Variants in GDF5 observed in about 807,000 individuals in gnomAD.
GDF5 encodes growth/differentiation factor 5.
A neutral mutation model predicts 34.6 loss-of-function variants in GDF5; 17 were observed. That is an observed-to-expected ratio of 0.49 (90% CI 0.34 to 0.74). The LOEUF (loss-of-function observed/expected upper bound fraction) is 0.74. Among genes scored for constraint, GDF5 ranks in the 30% least tolerant of loss-of-function variants. GDF5 has a pLI of 0.01. For missense variants in GDF5, 616 were observed against 661.2 expected (o/e 0.93, Z 0.75); for synonymous variants, 332 against 290.7 (o/e 1.14, Z -1.44).
intron 1 of GDF5, among the ~76,000 whole-genome samples, chr20:35,450,799 T>A (rs889329082): frequency 2.0e-5 from 3 of 151,756 alleles, no homozygotes; most frequent in Non-Finnish European, 4.4e-5. Flanking sequence ...AGGAAGCATA[T>A]CCTGGTCACG....
chr20:35,451,049 AAAAAAAAAAAAAAAAAT>A lies in GDF5; in HGVS notation c.-398+3574_-398+3590del, dbSNP rs1390238112. 8.4e-5 allele frequency among the ~76,000 whole-genome samples: 7 copies of A among 83,602 alleles called. 1 individual carries two copies. Among genetic ancestry groups the A allele is most frequent in the Non-Finnish European group, 1.9e-4 (6 of 31,680 alleles). 54.8% of individuals were successfully genotyped at this position (83,602 alleles called of 152,430 possible). On this transcript the variant is annotated intron_variant, in intron 1 of 3. Transcript: ENST00000374372. ...ACAGATTTTAGACTAACAGAAAAAA[AAAAAAAAAAAAAAAAAT>A]ATATATATATATATATATATATATA...
chr20:35,436,087 G>A (rs139313491), intron 1 of GDF5, among the ~76,000 whole-genome samples: 47 of 152,266 alleles, frequency 3.1e-4, no homozygotes, highest in African/African-American at 1.1e-3. Flanking sequence ...TAGTATCTCC[G>A]AATCAGCATG....
chr20:35,434,309 A>T lies in GDF5; in HGVS notation c.1106T>A (p.Val369Glu), dbSNP rs1168878705. Residue 369 changes from valine (V) to glutamate (E), a missense_variant, in exon 2 of 2, where the codon GTG (valine) becomes GAG (glutamate). Physicochemically the swap from Val to Glu is moderately radical, Grantham distance 121. Coordinates refer to ENST00000374369, the MANE Select transcript of GDF5 (RefSeq NM_000557.5). ...KARSGQDDKT[V>E]YEYLFSQRRK... ...CCGCTGGCTGAACAGGTACTCATAC[A>T]CGGTCTTATCGTCCTGGCCAGAGCG... is the stretch of plus-strand genomic sequence containing the variant. 6.2e-6 allele frequency: 10 copies of T among 1,613,964 alleles called. No homozygotes were observed. Among genetic ancestry groups the T allele is most frequent in the Non-Finnish European group, 8.5e-6 (10 of 1,180,034 alleles).
In GDF5 at chr20:35,437,369, C is replaced by T. The variant is rs138025115; in HGVS notation, c.560G>A (p.Gly187Glu). ...YRTLSDADRK[G>E]GNSSVKLEAG... is the part of the protein sequence containing the mutation. ...CTCCAACTTCACGCTGCTGTTGCCTCCCTTTCTGTCAGCATCGGACAGCGT... is the reference window on the plus strand; with the variant it reads ...CTCCAACTTCACGCTGCTGTTGCCTTCCTTTCTGTCAGCATCGGACAGCGT... The change falls in exon 1 of 2, where the codon GGA becomes GAA. Residue 187 changes from glycine (G) to glutamate (E), a missense_variant. Transcript: ENST00000374369. 30 of 1,612,878 alleles carry T rather than the reference C, an allele frequency of 1.9e-5. No homozygotes were observed. Among genetic ancestry groups the T allele is most frequent in the Middle Eastern group, 1.7e-4 (1 of 6,056 alleles).
chr20:35,433,628 T>A lies in GDF5; in HGVS notation c.*281A>T. 2.0e-6 allele frequency: 1 copy of A among 491,384 alleles called. No homozygotes were observed. Among genetic ancestry groups the A allele is most frequent in the Non-Finnish European group, 3.7e-6 (1 of 267,624 alleles). The allele number at this position is 491,384 out of a possible 1,614,324, so 30.4% of individuals were successfully genotyped here. On this transcript the variant is annotated 3_prime_UTR_variant, in exon 2 of 2. Coordinates refer to ENST00000374369, the MANE Select transcript of GDF5 (RefSeq NM_000557.5). ...GGCTGAGTCTCATCGGAAAGCACTG[T>A]TTCCTGGGACTCAGTCCCATTCAGA... is the stretch of plus-strand genomic sequence containing the variant.
upstream of GDF5, among the ~76,000 whole-genome samples, chr20:35,439,564 G>C (rs1425538747): frequency 6.6e-6 from 1 of 152,160 alleles, no homozygotes; most frequent in African/African-American, 2.4e-5. Context: ...AGCTCTGGAA[G>C]GTCTGAATTC....
Position 35,434,635 on chromosome 20 carries a change from A to G in GDF5, c.780T>C (p.Ala260=). 2 of 1,607,430 alleles carry G rather than the reference A, an allele frequency of 1.2e-6. No homozygotes were observed. The highest frequency in any genetic ancestry group is 1.7e-6 in the Non-Finnish European group (2 of 1,175,314). Residue 260 remains alanine (A), a synonymous_variant, in exon 2 of 2, where the codon GCT becomes GCC. Coordinates refer to ENST00000374369, the MANE Select transcript of GDF5 (RefSeq NM_000557.5). ...GGCAGCTGGACAGCTTCAGCTGGGC[A>G]GCCCGCCCGCCTCCGGGGGCCGCTG... ...AKPAAPGGGR[A]AQLKLSSCPS...
intron 1 of GDF5, among the ~76,000 whole-genome samples, chr20:35,444,641 C>T (rs2062508363): frequency 1.3e-5 from 2 of 152,188 alleles, no homozygotes; most frequent in African/African-American, 4.8e-5. Context: ...GTTGCCCATG[C>T]TGGAGTGCAA....
chr20:35,441,518 G>C (rs1009193907), upstream of GDF5: 27 of 146,348 alleles, frequency 1.8e-4, no homozygotes, highest in African/African-American at 5.9e-4. Context: ...ACAGTGGCAT[G>C]ATCTTGGCTC....
At chr20:35,442,348 T>C (rs1039388789), upstream of GDF5, among the ~76,000 whole-genome samples, 5 of 152,010 alleles carry the variant, frequency 3.3e-5, no homozygotes, top group African/African-American at 1.2e-4. Flanking sequence ...GGTTTCACCA[T>C]GTTGGCCAGG....
At chr20:35,439,236 C>CT (rs1210665697), upstream of GDF5, among the ~76,000 whole-genome samples, 3,633 of 129,220 alleles carry the variant, frequency 0.028, 122 homozygotes, top group African/African-American at 0.06. Context: ...CCACATGACG[C>CT]TTTTTTTTTT....
intron 1 of GDF5, among the ~76,000 whole-genome samples, chr20:35,444,287 C>T (rs894842250): frequency 6.6e-6 from 1 of 152,174 alleles, no homozygotes; most frequent in Non-Finnish European, 1.5e-5. Context: ...AAAAATTAAG[C>T]AGGGTCAAAG....
At chr20:35,440,082 A>AT (rs2062493048), upstream of GDF5, among the ~76,000 whole-genome samples, 1 of 150,978 alleles carries the variant, frequency 6.6e-6, no homozygotes, top group Admixed American at 6.6e-5. Context: ...ATGCCTATCT[A>AT]TTTTTTGTAT....
chr20:35,434,561 C>A lies in GDF5; in HGVS notation c.854G>T (p.Gly285Val). 1.9e-6 allele frequency: 3 copies of A among 1,591,460 alleles called. No homozygotes were observed. The highest frequency in any genetic ancestry group is 1.7e-6 in the Non-Finnish European group (2 of 1,167,532). Residue 285 changes from glycine (G) to valine (V), a missense_variant, in exon 2 of 2, where the codon GGC becomes GTC. Transcript: ENST00000374369. ...AALLDVRSVPGLDGSGWEVFD... is the reference protein window; with the variant it reads ...AALLDVRSVPVLDGSGWEVFD... Reference sequence around the variant, plus strand: ...CACCTCCCAGCCAGATCCGTCCAGGCCTGGCACGGAGCGCACATCCAGCAA... The same window carrying A: ...CACCTCCCAGCCAGATCCGTCCAGGACTGGCACGGAGCGCACATCCAGCAA...
intron 1 of GDF5, among the ~76,000 whole-genome samples, chr20:35,448,449 T>TG (rs2062521037): frequency 6.9e-4 from 1 of 1,442 alleles, no homozygotes; most frequent in Non-Finnish European, 0.01. Context: ...CCCCCCCGAC[T>TG]TTTTTTTTTT....
At chr20:35,452,331 A>G (rs993943299) in intron 1 of GDF5, among the ~76,000 whole-genome samples, 5 of 152,266 alleles carry the variant, frequency 3.3e-5, no homozygotes, top group Non-Finnish European at 4.4e-5. Context: ...CACTGGGTAA[A>G]TGAATAAATA....
At position 35,433,862 on chromosome 20, in the gene GDF5, AG is replaced by A; in HGVS notation, c.*46del. 6.6e-7 allele frequency: 1 copy of A among 1,523,154 alleles called. No homozygotes were observed. Among genetic ancestry groups the A allele is most frequent in the Non-Finnish European group, 9.1e-7 (1 of 1,097,434 alleles). The allele number at this position is 1,523,154 out of a possible 1,614,324, so 94.4% of individuals were successfully genotyped here. On this transcript the variant is annotated 3_prime_UTR_variant, in exon 2 of 2. Transcript: ENST00000374369. ...CCTCTGTGATTCCAGGAGTGCAGGA[AG>A]GGGCTCTTGGGATGTGCCACCCAGG...
intron 1 of GDF5, 72 bp from the exon 2 acceptor site, chr20:35,434,855 A>G: frequency 6.8e-7 from 1 of 1,479,460 alleles, no homozygotes; most frequent in Non-Finnish European, 9.5e-7. Context: ...GCTGCGGGGG[A>G]AGGCCCCAGC....
At chr20:35,439,722 C>A (rs970689563), upstream of GDF5, among the ~76,000 whole-genome samples, 19 of 152,096 alleles carry the variant, frequency 1.2e-4, no homozygotes, top group African/African-American at 4.6e-4. Context: ...CCTCCTCTCT[C>A]TCTCCCACAA....
Sources: gnomAD v4.1 joint callset for allele counts (sites outside exome capture counted in the v4.1 genomes callset) on GRCh38, gnomAD v4.1.1 for gene constraint, MANE v1.5 for transcripts, NCBI Gene and HGNC (gene_info 2026-07-23, HGNC 2026-07-21) for gene names.